Variants in SPMIP2 observed in about 807,000 individuals in gnomAD.
SPMIP2 encodes protein SPMIP2.
the SPMIP2 span, among the ~76,000 whole-genome samples, chr4:159,020,539 C>T: frequency 6.6e-6 from 1 of 152,190 alleles, no homozygotes; most frequent in Non-Finnish European, 1.5e-5. Flanking sequence ...CTTGGACCTT[C>T]TGCCCCTGGG....
the SPMIP2 span, among the ~76,000 whole-genome samples, chr4:158,933,453 C>G: frequency 6.6e-6 from 1 of 152,098 alleles, no homozygotes. Flanking sequence ...GAAAAATTGC[C>G]TTTTCCTTTT....
the SPMIP2 span, among the ~76,000 whole-genome samples, chr4:158,979,852 A>G: frequency 2.7e-5 from 4 of 147,278 alleles, 1 homozygote; most frequent in South Asian, 8.5e-4. Flanking sequence ...GTGAGACAGA[A>G]CTGTTCACTC....
the SPMIP2 span, among the ~76,000 whole-genome samples, chr4:159,002,488 T>A: frequency 6.6e-6 from 1 of 152,210 alleles, no homozygotes; most frequent in Admixed American, 6.5e-5. Flanking sequence ...TCTCAACTCC[T>A]GGCCTCAAGC....
the SPMIP2 span, among the ~76,000 whole-genome samples, chr4:158,943,058 A>AT: frequency 1.3e-5 from 2 of 152,244 alleles, no homozygotes; most frequent in Non-Finnish European, 2.9e-5. Flanking sequence ...CTTAAGAAAC[A>AT]TAAGTTTGAG....
At chr4:158,960,177 G>A in the SPMIP2 span, 3 of 660,794 alleles carry the variant, frequency 4.5e-6, no homozygotes, top group East Asian at 3.1e-5. Flanking sequence ...AAACCTACAT[G>A]AAATAAAAAG....
At chr4:159,031,271 A>C in the SPMIP2 span, among the ~76,000 whole-genome samples, 3 of 152,228 alleles carry the variant, frequency 2.0e-5, no homozygotes, top group African/African-American at 7.2e-5. Context: ...AGTACCATCT[A>C]AGACATAAGC....
At chr4:158,913,305 C>T in the SPMIP2 span, among the ~76,000 whole-genome samples, 12 of 152,210 alleles carry the variant, frequency 7.9e-5, no homozygotes, top group Non-Finnish European at 1.6e-4. Flanking sequence ...TCACTGCAGA[C>T]TTGCAGACCT....
At chr4:159,015,975 C>A in the SPMIP2 span, among the ~76,000 whole-genome samples, 2 of 152,172 alleles carry the variant, frequency 1.3e-5, no homozygotes, top group African/African-American at 4.8e-5. Context: ...CTGGGTGATG[C>A]CGCCTTTCAC....
At chr4:158,912,521 G>A in the SPMIP2 span, among the ~76,000 whole-genome samples, 1 of 152,206 alleles carries the variant, frequency 6.6e-6, no homozygotes, top group African/African-American at 2.4e-5. Flanking sequence ...GTGTAAGAAT[G>A]GAAAATGTGT....
At chr4:159,052,982 A>G in the SPMIP2 span, among the ~76,000 whole-genome samples, 1 of 105,390 alleles carries the variant, frequency 9.5e-6, no homozygotes, top group African/African-American at 3.8e-5. Flanking sequence ...TTTGAGACGG[A>G]GTCTCGCTCT....
At chr4:159,052,615 ATTATTATTATTATTATT>A in the SPMIP2 span, among the ~76,000 whole-genome samples, 2 of 150,598 alleles carry the variant, frequency 1.3e-5, no homozygotes, top group African/African-American at 4.9e-5. Context: ...CAAGACTATT[ATTATTATTATTATTATT>A]TTATTATTAT....
the SPMIP2 span, among the ~76,000 whole-genome samples, chr4:158,949,188 A>C: frequency 6.6e-6 from 1 of 152,150 alleles, no homozygotes; most frequent in Non-Finnish European, 1.5e-5. Context: ...TCATTATTTC[A>C]GTGTGCTGTA....
the SPMIP2 span, among the ~76,000 whole-genome samples, chr4:159,002,766 GCACACA>G: frequency 4.0e-3 from 593 of 148,184 alleles, 2 homozygotes; most frequent in African/African-American, 0.013. Context: ...ACATATCACT[GCACACA>G]CACACACACA....
the SPMIP2 span, among the ~76,000 whole-genome samples, chr4:158,943,984 T>C: frequency 6.7e-6 from 1 of 150,342 alleles, no homozygotes. Context: ...GCCTCCCAAG[T>C]AGCTGGGACT....
chr4:159,049,963 T>C, the SPMIP2 span, among the ~76,000 whole-genome samples: 1 of 152,188 alleles, frequency 6.6e-6, no homozygotes, highest in African/African-American at 2.4e-5. Context: ...TAAAGCTTCT[T>C]GATAGATATA....
chr4:158,909,330 A>T, the SPMIP2 span: 1 of 151,706 alleles, frequency 6.6e-6, no homozygotes, highest in East Asian at 1.9e-4. Flanking sequence ...ATAAATGAAA[A>T]TTTCAAGTGT....
chr4:158,914,633 GT>G, the SPMIP2 span, among the ~76,000 whole-genome samples: 1 of 152,148 alleles, frequency 6.6e-6, no homozygotes, highest in Non-Finnish European at 1.5e-5. Context: ...GGAAATAGTT[GT>G]TGAATATATA....
the SPMIP2 span, among the ~76,000 whole-genome samples, chr4:158,902,715 C>T: frequency 2.6e-5 from 4 of 152,220 alleles, no homozygotes; most frequent in Admixed American, 6.5e-5. Context: ...GCAGTCTGGC[C>T]CCAGTGGCCT....
chr4:158,927,056 T>C, the SPMIP2 span, among the ~76,000 whole-genome samples: 1 of 152,232 alleles, frequency 6.6e-6, no homozygotes, highest in African/African-American at 2.4e-5. Flanking sequence ...ACTATTATTG[T>C]TGAATTGTCT....
Sources: gnomAD v4.1 joint callset for allele counts (sites outside exome capture counted in the v4.1 genomes callset) on GRCh38, gnomAD v4.1.1 for gene constraint, MANE v1.5 for transcripts, NCBI Gene and HGNC (gene_info 2026-07-23, HGNC 2026-07-21) for gene names.